The following ZFPM2 variants were observed in gnomAD, a reference collection of about 807,000 sequenced individuals.
The protein encoded by ZFPM2 is zinc finger protein ZFPM2.
A neutral mutation model predicts 98.6 loss-of-function variants in ZFPM2; 20 were observed. The observed-to-expected ratio is 0.20, with a 90% confidence interval of 0.14 to 0.29. ZFPM2 has a LOEUF of 0.29. Among genes scored for constraint, ZFPM2 ranks in the 10% least tolerant of loss-of-function variants. The probability of loss-of-function intolerance (pLI) is 1.00; values close to 1 mark genes in which losing one functional copy is unlikely to be tolerated. For missense variants in ZFPM2, 1,310 were observed against 1,388.6 expected (o/e 0.94, Z 0.90); for synonymous variants, 518 against 502.7 (o/e 1.03, Z -0.41).
intron 4 of ZFPM2, among the ~76,000 whole-genome samples, chr8:105,583,350 G>A (rs1815643431): frequency 6.6e-6 from 1 of 151,790 alleles, no homozygotes; most frequent in African/African-American, 2.4e-5. Context: ...CCTAGTATCT[G>A]GGTGATTGTT....
At chr8:105,565,545 T>A (rs555325612) in intron 4 of ZFPM2, among the ~76,000 whole-genome samples, 1 of 152,198 alleles carries the variant, frequency 6.6e-6, no homozygotes, top group African/African-American at 2.4e-5. Flanking sequence ...GGAAGTTAAA[T>A]AACTAGCCTA....
chr8:105,570,253 A>T (rs1353769369), intron 4 of ZFPM2, among the ~76,000 whole-genome samples: 2 of 152,048 alleles, frequency 1.3e-5, no homozygotes. Context: ...TTGGAAAGTG[A>T]TGCGTTGGTT....
At chr8:105,340,804 C>T (rs1167493129) in intron 1 of ZFPM2, among the ~76,000 whole-genome samples, 2 of 151,868 alleles carry the variant, frequency 1.3e-5, no homozygotes, top group East Asian at 1.9e-4. Flanking sequence ...GCAATAAACA[C>T]AATAACTCAG....
At chr8:105,691,454 T>C (rs1326240369) in intron 5 of ZFPM2, among the ~76,000 whole-genome samples, 1 of 145,996 alleles carries the variant, frequency 6.8e-6, no homozygotes, top group Admixed American at 6.8e-5. Flanking sequence ...TTCACCTTGT[T>C]AGCCAGGATG....
chr8:105,412,974 G>A (rs1411573136), intron 1 of ZFPM2, among the ~76,000 whole-genome samples: 1 of 151,858 alleles, frequency 6.6e-6, no homozygotes, highest in Non-Finnish European at 1.5e-5. Flanking sequence ...AAACGTATTA[G>A]TAATTTCAAG....
At chr8:105,384,118 G>A (rs1374024397) in intron 1 of ZFPM2, among the ~76,000 whole-genome samples, 3 of 152,008 alleles carry the variant, frequency 2.0e-5, no homozygotes, top group Non-Finnish European at 2.9e-5. Flanking sequence ...ACACAATCCC[G>A]TGGACACCTT....
intron 3 of ZFPM2, among the ~76,000 whole-genome samples, chr8:105,521,227 G>A (rs1814052381): frequency 6.6e-6 from 1 of 151,856 alleles, no homozygotes. Flanking sequence ...ACAGGAAAGA[G>A]GGCCATCAGT....
intron 3 of ZFPM2, among the ~76,000 whole-genome samples, chr8:105,478,962 A>G (rs1295916071): frequency 1.3e-5 from 2 of 152,214 alleles, no homozygotes; most frequent in South Asian, 4.1e-4. Context: ...AAGATAATAC[A>G]TGAATTTTTA....
intron 3 of ZFPM2, among the ~76,000 whole-genome samples, chr8:105,464,977 C>A (rs983778866): frequency 6.9e-6 from 1 of 145,964 alleles, no homozygotes; most frequent in African/African-American, 2.5e-5. Flanking sequence ...TCTAACCTTT[C>A]TTTTGGAGGG....
At chr8:105,416,130 A>T (rs2130064150) in intron 1 of ZFPM2, among the ~76,000 whole-genome samples, 1 of 151,918 alleles carries the variant, frequency 6.6e-6, no homozygotes, top group South Asian at 2.1e-4. Flanking sequence ...TAAATAAAAG[A>T]TTATGTATAT....
chr8:105,431,755 A>T (rs769645813), intron 2 of ZFPM2, among the ~76,000 whole-genome samples: 36 of 152,018 alleles, frequency 2.4e-4, no homozygotes, highest in Non-Finnish European at 3.8e-4. Context: ...TCTATAAAAA[A>T]TAACAAACAG....
At chr8:105,770,208 A>G (rs1234304077) in intron 5 of ZFPM2, among the ~76,000 whole-genome samples, 3 of 151,946 alleles carry the variant, frequency 2.0e-5, no homozygotes, top group Non-Finnish European at 4.4e-5. Context: ...AGCTTATCCT[A>G]GGTGTCAGTA....
intron 3 of ZFPM2, among the ~76,000 whole-genome samples, chr8:105,554,215 T>C (rs1489913995): frequency 6.6e-6 from 1 of 152,162 alleles, no homozygotes; most frequent in Non-Finnish European, 1.5e-5. Context: ...ATAATATAAA[T>C]GGTGCTATTT....
At chr8:105,602,510 C>T (rs1430652873) in intron 4 of ZFPM2, among the ~76,000 whole-genome samples, 1 of 152,110 alleles carries the variant, frequency 6.6e-6, no homozygotes, top group Non-Finnish European at 1.5e-5. Context: ...TTATCTTCAA[C>T]CTGGCCTAAG....
At chr8:105,651,374 A>T (rs1229565394) in intron 5 of ZFPM2, among the ~76,000 whole-genome samples, 2 of 151,516 alleles carry the variant, frequency 1.3e-5, no homozygotes, top group East Asian at 1.9e-4. Flanking sequence ...AGGCTGAGGC[A>T]GGAGAATTGC....
At chr8:105,325,137 T>C (rs1409191867) in intron 1 of ZFPM2, among the ~76,000 whole-genome samples, 2 of 151,854 alleles carry the variant, frequency 1.3e-5, no homozygotes, top group Non-Finnish European at 3.0e-5. Context: ...CTGTGTAAAA[T>C]TATCAGTTCA....
chr8:105,494,209 A>C, intron 3 of ZFPM2, among the ~76,000 whole-genome samples: 1 of 129,688 alleles, frequency 7.7e-6, no homozygotes, highest in South Asian at 2.4e-4. Context: ...ATATATATAT[A>C]TATATATATA....
At chr8:105,647,817 G>C (rs1380730286) in intron 5 of ZFPM2, among the ~76,000 whole-genome samples, 1 of 152,066 alleles carries the variant, frequency 6.6e-6, no homozygotes, top group African/African-American at 2.4e-5. Context: ...TTGCTGTTGT[G>C]AATAGCACCA....
chr8:105,758,669 G>T (rs1563551623), intron 5 of ZFPM2, among the ~76,000 whole-genome samples: 1 of 151,924 alleles, frequency 6.6e-6, no homozygotes, highest in Non-Finnish European at 1.5e-5. Flanking sequence ...TCAATTGATT[G>T]AAAACCTTAA....
Sources: gnomAD v4.1 joint callset for allele counts (sites outside exome capture counted in the v4.1 genomes callset) on GRCh38, gnomAD v4.1.1 for gene constraint, MANE v1.5 for transcripts, NCBI Gene and HGNC (gene_info 2026-07-23, HGNC 2026-07-21) for gene names.